Variants in PRL observed in about 807,000 individuals in gnomAD.
The protein encoded by PRL is decidual prolactin.
Under a neutral mutation model 21.3 loss-of-function variants are expected in PRL, and 24 were observed. That is an observed-to-expected ratio of 1.13 (90% CI 0.82 to 1.59). The LOEUF is 1.59. Among genes scored for constraint, PRL ranks in the 40% most tolerant of loss-of-function variants. The probability of loss-of-function intolerance (pLI) is 0.00; values close to 1 mark genes in which losing one functional copy is unlikely to be tolerated. For missense variants in PRL, 243 were observed against 286.9 expected (o/e 0.85, Z 1.10); for synonymous variants, 118 against 115.7 (o/e 1.02, Z -0.13).
At position 22,290,266 on chromosome 6, in the gene PRL, G is replaced by T; in HGVS notation, c.400C>A (p.Gln134Lys). The change falls in exon 4 of 5, where the codon CAA becomes AAA. Residue 134 changes from glutamine to lysine, a missense_variant. Physicochemically the swap from Gln to Lys is moderately conservative, Grantham distance 53. Transcript: ENST00000306482. Reference protein sequence around the residue: ...YHLVTEVRGMQEAPEAILSKA... With the variant: ...YHLVTEVRGMKEAPEAILSKA... ...GATAGGATAGCCTCCGGGGCTTCTT[G>T]CATACCACGTACTTCCGTGACCAGA... The T allele has an allele frequency of 6.2e-7, 1 of 1,612,880 alleles. No homozygotes were observed. The highest frequency in any genetic ancestry group is 8.5e-7 in the Non-Finnish European group (1 of 1,179,088).
chr6:22,289,925 G>A (rs1449424055), intron 4 of PRL, among the ~76,000 whole-genome samples: 1 of 152,170 alleles, frequency 6.6e-6, no homozygotes, highest in African/African-American at 2.4e-5. Flanking sequence ...CTTGTCCTCA[G>A]GAAGGGGCAA....
Position 22,297,016 on chromosome 6 carries a change from G to A in PRL, c.-34C>T. 6.2e-7 allele frequency: 1 copy of A among 1,612,496 alleles called. No individual in the cohort carries two copies. Among genetic ancestry groups the A allele is most frequent in the Non-Finnish European group, 8.5e-7 (1 of 1,178,926 alleles). On this transcript the variant is annotated 5_prime_UTR_variant, in exon 1 of 5. Coordinates refer to ENST00000306482, the MANE Select transcript of PRL (RefSeq NM_000948.6). ...TCGTTGCAGGAAACACACTTCACCA[G>A]AGAAGATCTGGAAGTCTCACGGTTT... is the stretch of plus-strand genomic sequence containing the variant.
rs1390636714 is a variant in PRL, at chr6:22,287,492, G to T, written c.594C>A (p.Asn198Lys). ...DEESRLSAYYNLLHCLRRDSH... is the reference protein window; with the variant it reads ...DEESRLSAYYKLLHCLRRDSH... ...AATCCCTGCGTAGGCAGTGGAGCAGGTTATAATAAGCAGAAAGGCGAGACT... is the reference window on the plus strand; with the variant it reads ...AATCCCTGCGTAGGCAGTGGAGCAGTTTATAATAAGCAGAAAGGCGAGACT... The change falls in exon 5 of 5, where the codon AAC (asparagine) becomes AAA (lysine). Residue 198 changes from asparagine to lysine, a missense_variant. Coordinates refer to ENST00000306482, the MANE Select transcript of PRL (RefSeq NM_000948.6). The T allele has an allele frequency of 8.1e-6, 13 of 1,614,036 alleles. No homozygotes were observed. In the East Asian group the frequency reaches 2.9e-4, roughly 36 times the overall value.
At chr6:22,296,902 C>T in intron 1 of PRL, 53 bp downstream of exon 1, 1 of 1,568,354 alleles carries the variant, frequency 6.4e-7, no homozygotes, top group Non-Finnish European at 8.7e-7. Flanking sequence ...TCACATTAAT[C>T]CCCCCACAGG....
intron 4 of PRL, among the ~76,000 whole-genome samples, chr6:22,289,926 G>A (rs542735874): frequency 6.6e-6 from 1 of 152,278 alleles, no homozygotes; most frequent in East Asian, 1.9e-4. Flanking sequence ...TTGTCCTCAG[G>A]AAGGGGCAAG....
upstream of PRL, among the ~76,000 whole-genome samples, chr6:22,300,635 G>A (rs991069194): frequency 1.3e-5 from 2 of 152,138 alleles, no homozygotes; most frequent in Non-Finnish European, 2.9e-5. Flanking sequence ...ACAATAATAA[G>A]ACATGCTTTT....
chr6:22,291,346 C>T (rs946030258), intron 3 of PRL, among the ~76,000 whole-genome samples: 6 of 152,222 alleles, frequency 3.9e-5, no homozygotes, highest in Non-Finnish European at 7.3e-5. Flanking sequence ...TCGCTGCTTA[C>T]TTGCCATGTG....
chr6:22,287,849 G>A (rs1760955618), intron 4 of PRL, among the ~76,000 whole-genome samples: 1 of 152,188 alleles, frequency 6.6e-6, no homozygotes, highest in Admixed American at 6.5e-5. Flanking sequence ...GTAGACAGAT[G>A]AAGAACTGGA....
chr6:22,295,562 T>G (rs899374332), intron 1 of PRL, among the ~76,000 whole-genome samples: 1 of 152,206 alleles, frequency 6.6e-6, no homozygotes, highest in Non-Finnish European at 1.5e-5. Context: ...TCTCCACTTT[T>G]CCTGCTCTAA....
rs756336526 is a variant in PRL at position 22,290,407 on chromosome 6, A to C, written c.313-54T>G. ...AAAATAGGTAAAATACAATGGGGTTAGTTACTTGTGATTTTTGCTTAGAGA... is the reference window on the plus strand; with the variant it reads ...AAAATAGGTAAAATACAATGGGGTTCGTTACTTGTGATTTTTGCTTAGAGA... On this transcript the variant is annotated intron_variant, in intron 3 of 4. Coordinates refer to ENST00000306482, the MANE Select transcript of PRL (RefSeq NM_000948.6). 2.9e-6 allele frequency: 4 copies of C among 1,368,448 alleles called. No individual in the cohort carries two copies. The South Asian group carries it at 8.5e-5, about 29-fold the overall frequency. 84.8% of individuals were successfully genotyped at this position (1,368,448 alleles called of 1,614,324 possible).
chr6:22,294,601 G>C lies in PRL; in HGVS notation c.29-17C>G. The C allele has an allele frequency of 6.6e-7, 1 of 1,525,962 alleles. No homozygotes were observed. Among genetic ancestry groups the C allele is most frequent in the Non-Finnish European group, 8.8e-7 (1 of 1,137,598 alleles). The allele number at this position is 1,525,962 out of a possible 1,614,324, so 94.5% of individuals were successfully genotyped here. ...GGAGGGACCCTGCTTAAATAAGAACGCGAGCCACTCTGAGATGATTTATTC... is the reference window on the plus strand; with the variant it reads ...GGAGGGACCCTGCTTAAATAAGAACCCGAGCCACTCTGAGATGATTTATTC... On this transcript the variant is annotated splice_polypyrimidine_tract_variant and intron_variant, in intron 1 of 4. Coordinates refer to ENST00000306482, the MANE Select transcript of PRL (RefSeq NM_000948.6).
upstream of PRL, among the ~76,000 whole-genome samples, chr6:22,299,770 C>T (rs551866291): frequency 6.6e-6 from 1 of 152,134 alleles, no homozygotes; most frequent in South Asian, 2.1e-4. Context: ...ACCCAGGAGG[C>T]AGAGGTTGCA....
chr6:22,295,637 A>C (rs1322466045), intron 1 of PRL, among the ~76,000 whole-genome samples: 1 of 152,216 alleles, frequency 6.6e-6, no homozygotes, highest in Non-Finnish European at 1.5e-5. Context: ...CTATCTCAGC[A>C]AATGGACAGT....
chr6:22,287,737 G>A, intron 4 of PRL, 144 bp from the exon 5 acceptor site: 1 of 732,436 alleles, frequency 1.4e-6, no homozygotes, highest in Non-Finnish European at 2.1e-6. Flanking sequence ...GTATATCTGG[G>A]CCAGTGTATC....
intron 2 of PRL, among the ~76,000 whole-genome samples, chr6:22,293,593 A>C (rs1418356489): frequency 6.8e-6 from 1 of 147,634 alleles, no homozygotes; most frequent in East Asian, 2.1e-4. Flanking sequence ...GAAGGAAGGA[A>C]GGAGGGGAGG....
chr6:22,302,807 T>C (rs1761305942), exon 1 of PRL, among the ~76,000 whole-genome samples: 1 of 152,112 alleles, frequency 6.6e-6, no homozygotes, highest in Admixed American at 6.6e-5. Context: ...TCTTTGAGGG[T>C]ACTTCTGGAA....
chr6:22,293,798 G>GGGAA (rs149902270), intron 2 of PRL, among the ~76,000 whole-genome samples: 17 of 129,484 alleles, frequency 1.3e-4, no homozygotes, highest in African/African-American at 3.2e-4. Context: ...GAAGGAAGGA[G>GGGAA]GGAAGGAAGG....
upstream of PRL, among the ~76,000 whole-genome samples, chr6:22,298,452 T>G (rs1761223459): frequency 6.6e-6 from 1 of 152,252 alleles, no homozygotes; most frequent in South Asian, 2.1e-4. Context: ...ATAGTCTTCC[T>G]ATGGCATTTA....
Position 22,294,446 on chromosome 6 carries a change from T to C in PRL, c.167A>G (p.Tyr56Cys). 1 of 1,614,120 alleles carries C rather than the reference T, an allele frequency of 6.2e-7. No homozygotes were observed. The highest frequency in any genetic ancestry group is 8.5e-7 in the Non-Finnish European group (1 of 1,180,022). ...LFDRAVVLSH[Y>C]IHNLSSEMFS... ...CATTTCTGAGGAGAGGTTATGGATG[T>C]AGTGGGACAGGACGACGGCGCGGTC... The change falls in exon 2 of 5, where the codon TAC becomes TGC. Residue 56 changes from tyrosine (Y) to cysteine (C), a missense_variant. Transcript: ENST00000306482.
Sources: allele counts gnomAD v4.1 joint callset (sites outside exome capture counted in the v4.1 genomes callset), GRCh38; gene constraint gnomAD v4.1.1; transcripts MANE v1.5; gene names NCBI Gene and HGNC (gene_info 2026-07-23, HGNC 2026-07-21).